Variants in ADAMTS16 observed in about 807,000 individuals in gnomAD.
The protein encoded by ADAMTS16 is ADAM metallopeptidase with thrombospondin type 1 motif 16.
In ADAMTS16, 94 loss-of-function variants were observed where a neutral mutation model predicts 145.8. That is an observed-to-expected ratio of 0.64 (90% CI 0.55 to 0.77). ADAMTS16 has a LOEUF of 0.77. Ranked by LOEUF, ADAMTS16 falls within the 30% of genes least tolerant of loss-of-function variation. The pLI is 0.00. For missense variants in ADAMTS16, 1,585 were observed against 1,591.5 expected (o/e 1.00, Z 0.07); for synonymous variants, 659 against 604.3 (o/e 1.09, Z -1.33).
At chr5:5,250,890 C>T (rs1047265557) in intron 17 of ADAMTS16, among the ~76,000 whole-genome samples, 2 of 152,154 alleles carry the variant, frequency 1.3e-5, no homozygotes, top group Admixed American at 6.5e-5. Context: ...CTGACTCCTT[C>T]CTCCCTCCAT....
intron 3 of ADAMTS16, among the ~76,000 whole-genome samples, chr5:5,147,248 G>C (rs7702383): frequency 0.09 from 13,635 of 152,230 alleles, 945 homozygotes; most frequent in African/African-American, 0.19. Context: ...GCAGAGGAGC[G>C]AAGTGTGACT....
chr5:5,173,175 CTTG>C (rs1160429262), intron 3 of ADAMTS16, among the ~76,000 whole-genome samples: 3 of 132,090 alleles, frequency 2.3e-5, no homozygotes, highest in East Asian at 4.0e-4. Context: ...ATCATTGGGT[CTTG>C]TTTTTTTTTT....
At chr5:5,175,961 T>C (rs1735182511) in intron 3 of ADAMTS16, 1 of 152,250 alleles carries the variant, frequency 6.6e-6, no homozygotes, top group Admixed American at 6.5e-5. Flanking sequence ...CTTTCAGCAA[T>C]ATGAGGTTAA....
rs1738173602 is a variant in ADAMTS16, at chr5:5,264,781, G to GATGCAGTC, written c.2789+1999_2789+2000insTGCAGTCA. Among the ~76,000 whole-genome samples, 10 of 152,052 alleles carry GATGCAGTC rather than the reference G, an allele frequency of 6.6e-5. No homozygotes were observed. In the South Asian group the frequency reaches 1.7e-3, roughly 25 times the overall value. The stretch of plus-strand genomic sequence containing the variant: ...CACTCCCCACAATCTGCTATCAAGA[G>GATGCAGTC]AGAATTTACACAAGAAATTAAGTGC... On this transcript the variant is annotated intron_variant, in intron 18 of 22. Coordinates refer to ENST00000274181, the MANE Select transcript of ADAMTS16 (RefSeq NM_139056.4).
chr5:5,262,862 A>G, intron 18 of ADAMTS16, 79 bp downstream of exon 18: 6 of 1,571,748 alleles, frequency 3.8e-6, no homozygotes, highest in Non-Finnish European at 5.2e-6. Flanking sequence ...CCTGATTTCG[A>G]GAGAGAAGTG....
intron 18 of ADAMTS16, among the ~76,000 whole-genome samples, chr5:5,274,842 A>T (rs1271294126): frequency 1.3e-5 from 2 of 152,136 alleles, no homozygotes; most frequent in African/African-American, 4.8e-5. Flanking sequence ...TTAGCTGGTT[A>T]TTTAGGTTAA....
intron 2 of ADAMTS16, among the ~76,000 whole-genome samples, chr5:5,141,092 A>G (rs555394750): frequency 1.3e-5 from 2 of 152,316 alleles, no homozygotes; most frequent in South Asian, 4.1e-4. Flanking sequence ...AAGCCGTCAT[A>G]AAGAGCAAAT....
chr5:5,272,237 C>T (rs933269551), intron 18 of ADAMTS16, among the ~76,000 whole-genome samples: 3 of 152,158 alleles, frequency 2.0e-5, no homozygotes, highest in African/African-American at 7.2e-5. Context: ...AGTAGCTGAG[C>T]GTTCCCAAGC....
At chr5:5,176,031 G>A (rs1469925652) in intron 3 of ADAMTS16, 1 of 152,116 alleles carries the variant, frequency 6.6e-6, no homozygotes, top group African/African-American at 2.4e-5. Flanking sequence ...TTTTTTGTGT[G>A]GATGGTTGTC....
chr5:5,164,057 T>C (rs1306122908), intron 3 of ADAMTS16, among the ~76,000 whole-genome samples: 2 of 152,176 alleles, frequency 1.3e-5, no homozygotes, highest in African/African-American at 2.4e-5. Context: ...AAGGAAGATC[T>C]TCTGAGATGA....
chr5:5,253,584 G>T (rs1243634534), intron 17 of ADAMTS16, among the ~76,000 whole-genome samples: 2 of 152,122 alleles, frequency 1.3e-5, no homozygotes, highest in East Asian at 1.9e-4. Flanking sequence ...TAATTTTGAG[G>T]TCCCAAGATT....
rs1385735101 is a variant in ADAMTS16 at position 5,235,128 on chromosome 5, C to G, written c.1965C>G (p.His655Gln). The change falls in exon 13 of 23, where the codon CAC becomes CAG. Residue 655 changes from histidine to glutamine, a missense_variant. Physicochemically the swap from His to Gln is conservative, Grantham distance 24. Coordinates refer to ENST00000274181, the MANE Select transcript of ADAMTS16 (RefSeq NM_139056.4). ...VDFRAAQCAE[H>Q]NSRRFRGRHY... Reference sequence around the variant, plus strand: ...TCCGTGCTGCTCAGTGTGCCGAGCACAACAGCAGACGATTCAGAGGGCGGC... The same window carrying G: ...TCCGTGCTGCTCAGTGTGCCGAGCAGAACAGCAGACGATTCAGAGGGCGGC... 2 of 1,597,974 alleles carry G rather than the reference C, an allele frequency of 1.3e-6. No homozygotes were observed. Among genetic ancestry groups the G allele is most frequent in the African/African-American group, 2.7e-5 (2 of 74,684 alleles).
chr5:5,265,578 G>T (rs1227319358), intron 18 of ADAMTS16, among the ~76,000 whole-genome samples: 1 of 152,176 alleles, frequency 6.6e-6, no homozygotes, highest in Non-Finnish European at 1.5e-5. Context: ...AGAGGGGCTG[G>T]GGTTATCTTA....
At chr5:5,286,073 C>A (rs977751542) in intron 18 of ADAMTS16, among the ~76,000 whole-genome samples, 2 of 152,162 alleles carry the variant, frequency 1.3e-5, no homozygotes, top group Non-Finnish European at 2.9e-5. Context: ...TATGACCCTT[C>A]GGAATGAATC....
At position 5,303,440 on chromosome 5, in the gene ADAMTS16, C is replaced by T. The variant is rs765529076; in HGVS notation, c.2962C>T (p.Pro988Ser). ...GGCCTGCAACTCTCAGAGCTGCCCACCTGCATGGAGCGCCGGGCCCTGGGC... is the reference window on the plus strand; with the variant it reads ...GGCCTGCAACTCTCAGAGCTGCCCATCTGCATGGAGCGCCGGGCCCTGGGC... ...RQACNSQSCP[P>S]AWSAGPWAEC... Residue 988 changes from proline to serine, a missense_variant, in exon 19 of 23, where the codon CCT (proline) becomes TCT (serine). Pro to Ser is a moderately conservative substitution (Grantham distance 74). Around this residue, in one of 3 missense-constraint regions of ADAMTS16, gnomAD observed 834 missense variants for 811.7 expected, o/e 1.03. Coordinates refer to ENST00000274181, the MANE Select transcript of ADAMTS16 (RefSeq NM_139056.4). 1 of 1,611,526 alleles carries T rather than the reference C, an allele frequency of 6.2e-7. No homozygotes were observed. The highest frequency in any genetic ancestry group is 1.1e-5 in the South Asian group (1 of 90,710).
intron 17 of ADAMTS16, among the ~76,000 whole-genome samples, chr5:5,242,858 G>A (rs1055806812): frequency 6.6e-6 from 1 of 152,170 alleles, no homozygotes; most frequent in Non-Finnish European, 1.5e-5. Flanking sequence ...AAACAGTGAT[G>A]AGTAAATATT....
At position 5,221,099 on chromosome 5, in the gene ADAMTS16, G is replaced by A. The variant is rs564786100; in HGVS notation, c.1606-1690G>A. Among the ~76,000 whole-genome samples the A allele has an allele frequency of 2.6e-5, 4 of 152,060 alleles. No individual in the cohort carries two copies. In the South Asian group the frequency reaches 6.2e-4, roughly 24 times the overall value. On this transcript the variant is annotated intron_variant, in intron 10 of 22. Coordinates refer to ENST00000274181, the MANE Select transcript of ADAMTS16 (RefSeq NM_139056.4). ...CATATTGCCACCCAGACATCGAGCC[G>A]GTGTGCACAGGCTGTGGTTTTAAGG...
intron 8 of ADAMTS16, among the ~76,000 whole-genome samples, chr5:5,197,877 G>A (rs1390403465): frequency 1.3e-5 from 2 of 152,040 alleles, no homozygotes; most frequent in Non-Finnish European, 2.9e-5. Flanking sequence ...AATCACCTGG[G>A]GATGTGTTCC....
chr5:5,314,573 A>C (rs537447631), intron 21 of ADAMTS16, among the ~76,000 whole-genome samples: 5 of 152,356 alleles, frequency 3.3e-5, no homozygotes, highest in African/African-American at 1.2e-4. Flanking sequence ...TTCATCTCCT[A>C]GTATATCACC....
Sources: allele counts gnomAD v4.1 joint callset (sites outside exome capture counted in the v4.1 genomes callset), GRCh38; gene constraint gnomAD v4.1.1; regional missense constraint gnomAD v4.1.1; transcripts MANE v1.5; gene names NCBI Gene and HGNC (gene_info 2026-07-23, HGNC 2026-07-21).